Variants in HS3ST5 observed in about 807,000 individuals in gnomAD.
HS3ST5 encodes the protein heparan sulfate glucosamine 3-O-sulfotransferase 5.
HS3ST5 carries 10 observed loss-of-function variants against 25.4 expected under a neutral mutation model. That is an observed-to-expected ratio of 0.39 (90% confidence interval 0.24 to 0.67). The LOEUF (loss-of-function observed/expected upper bound fraction) is 0.67. Ranked by LOEUF, HS3ST5 falls within the 30% of genes least tolerant of loss-of-function variation. The pLI, the probability that HS3ST5 is intolerant of heterozygous loss-of-function variation, is 0.44. For synonymous variants in HS3ST5, 170 were observed against 162.4 expected (o/e 1.05, Z -0.36); for missense variants, 324 against 420.7 (o/e 0.77, Z 2.01).
At chr6:114,084,552 A>T in intron 3 of HS3ST5, 1 of 760,734 alleles carries the variant, frequency 1.3e-6, no homozygotes, top group Non-Finnish European at 2.4e-6. Flanking sequence ...CCGCTGAGTG[A>T]GCTCCCTCGT....
intron 3 of HS3ST5, among the ~76,000 whole-genome samples, chr6:114,147,353 G>A (rs1778219936): frequency 6.6e-6 from 1 of 152,166 alleles, no homozygotes; most frequent in Non-Finnish European, 1.5e-5. Context: ...GTGAGCTGAA[G>A]TGATGTGTGC....
At chr6:114,077,868 A>T (rs1173857014) in intron 3 of HS3ST5, among the ~76,000 whole-genome samples, 2 of 152,208 alleles carry the variant, frequency 1.3e-5, no homozygotes, top group Non-Finnish European at 2.9e-5. Flanking sequence ...TGGTATTTTT[A>T]TCATCAAGCT....
intron 3 of HS3ST5, among the ~76,000 whole-genome samples, chr6:114,076,220 G>T (rs142893296): frequency 2.0e-5 from 3 of 152,276 alleles, no homozygotes; most frequent in Admixed American, 6.5e-5. Context: ...TTACCCTGCT[G>T]CTATGTGACT....
At chr6:114,273,235 G>A (rs1001003049) in intron 1 of HS3ST5, among the ~76,000 whole-genome samples, 1 of 152,054 alleles carries the variant, frequency 6.6e-6, no homozygotes, top group African/African-American at 2.4e-5. Context: ...TGATGAATTA[G>A]ATGTAAAGTA....
At chr6:114,256,224 T>TA (rs1229368011) in intron 1 of HS3ST5, among the ~76,000 whole-genome samples, 1 of 151,798 alleles carries the variant, frequency 6.6e-6, no homozygotes, top group Non-Finnish European at 1.5e-5. Flanking sequence ...TCGTCTCTAC[T>TA]AAAAACACAA....
At chr6:114,317,586 T>C (rs1283593249) in intron 1 of HS3ST5, among the ~76,000 whole-genome samples, 1 of 152,176 alleles carries the variant, frequency 6.6e-6, no homozygotes, top group Non-Finnish European at 1.5e-5. Context: ...ATACATTTCA[T>C]ACATCCATCT....
intron 3 of HS3ST5, among the ~76,000 whole-genome samples, chr6:114,085,278 T>C (rs997604453): frequency 6.6e-6 from 1 of 152,232 alleles, no homozygotes; most frequent in Middle Eastern, 3.4e-3. Context: ...TGGGCTGAAG[T>C]TGAGTTCTTT....
At chr6:114,164,961 A>C (rs1779137045) in intron 3 of HS3ST5, among the ~76,000 whole-genome samples, 1 of 152,208 alleles carries the variant, frequency 6.6e-6, no homozygotes, top group South Asian at 2.1e-4. Context: ...GTCATCAGCC[A>C]TAACTTAAAG....
chr6:114,198,264 C>G (rs141041192), intron 2 of HS3ST5, among the ~76,000 whole-genome samples: 1 of 151,984 alleles, frequency 6.6e-6, no homozygotes, highest in East Asian at 1.9e-4. Flanking sequence ...AAAAAATGAA[C>G]GAAGCCTTTG....
chr6:114,069,018 A>G (rs1247495860), intron 3 of HS3ST5, among the ~76,000 whole-genome samples: 1 of 152,228 alleles, frequency 6.6e-6, no homozygotes, highest in Non-Finnish European at 1.5e-5. Flanking sequence ...ATGAGTCCCC[A>G]GATGAAACAA....
At chr6:114,059,845 G>A (rs1051481806) in intron 4 of HS3ST5, 2 of 152,186 alleles carry the variant, frequency 1.3e-5, no homozygotes, top group African/African-American at 4.8e-5. Flanking sequence ...CACTCAGCCT[G>A]TTCTGCAGAA....
At chr6:114,341,207 A>AGAGGGG (rs1562281372) in intron 1 of HS3ST5, among the ~76,000 whole-genome samples, 1 of 54,220 alleles carries the variant, frequency 1.8e-5, no homozygotes, top group African/African-American at 9.4e-5. Flanking sequence ...AGGGAGAGGG[A>AGAGGGG]ATAGGGAGAG....
chr6:114,109,451 A>T (rs1029142984), intron 3 of HS3ST5, among the ~76,000 whole-genome samples: 2 of 152,132 alleles, frequency 1.3e-5, no homozygotes, highest in Non-Finnish European at 2.9e-5. Context: ...GGGACCAAGA[A>T]TTTAAAAACC....
chr6:114,207,663 C>A (rs1474756287), intron 2 of HS3ST5, among the ~76,000 whole-genome samples: 1 of 152,066 alleles, frequency 6.6e-6, no homozygotes, highest in Non-Finnish European at 1.5e-5. Flanking sequence ...ACAAAAGACT[C>A]CCCTGCCTCC....
chr6:114,158,619 G>A (rs1202013381), intron 3 of HS3ST5, among the ~76,000 whole-genome samples: 1 of 152,150 alleles, frequency 6.6e-6, no homozygotes, highest in African/African-American at 2.4e-5. Context: ...AGGATTCTAT[G>A]CAATCCCCAA....
chr6:114,166,001 C>A (rs1011724776), intron 3 of HS3ST5, among the ~76,000 whole-genome samples: 1 of 151,914 alleles, frequency 6.6e-6, no homozygotes, highest in Non-Finnish European at 1.5e-5. Context: ...GGTAACACAG[C>A]AAGACCCCAT....
chr6:114,241,530 A>G (rs758611865), intron 1 of HS3ST5, among the ~76,000 whole-genome samples: 4 of 152,224 alleles, frequency 2.6e-5, no homozygotes, highest in East Asian at 1.9e-4. Context: ...TTATCATAAA[A>G]TGTTGGGCTC....
chr6:114,220,489 G>A (rs1325200514), intron 2 of HS3ST5, among the ~76,000 whole-genome samples: 9 of 151,846 alleles, frequency 5.9e-5, no homozygotes, highest in Admixed American at 2.6e-4. Context: ...CTAAGGACTC[G>A]GAGGAACCCA....
At chr6:114,133,417 T>C (rs1777442309) in intron 3 of HS3ST5, among the ~76,000 whole-genome samples, 1 of 152,232 alleles carries the variant, frequency 6.6e-6, no homozygotes, top group East Asian at 1.9e-4. Flanking sequence ...TGTAGTATCA[T>C]GTGTTTGTGT....
Sources: gnomAD v4.1 joint callset for allele counts (sites outside exome capture counted in the v4.1 genomes callset) on GRCh38, gnomAD v4.1.1 for gene constraint, MANE v1.5 for transcripts, NCBI Gene and HGNC (gene_info 2026-07-23, HGNC 2026-07-21) for gene names.